Variants in CD8B2 observed in about 807,000 individuals in gnomAD.
The protein encoded by CD8B2 is T-cell surface glycoprotein CD8 beta-2 chain.
Under a neutral mutation model 23.7 loss-of-function variants are expected in CD8B2, and 11 were observed. The ratio of observed to expected loss-of-function variants is 0.46; its 90% CI spans 0.29 to 0.77. The LOEUF (loss-of-function observed/expected upper bound fraction) is 0.77, where lower values mean the gene tolerates loss of function less well. Ranked by LOEUF, CD8B2 falls within the 30% of genes least tolerant of loss-of-function variation. The pLI is 0.09. For synonymous variants in CD8B2, 90 were observed against 109.3 expected (o/e 0.82, Z 1.10); for missense variants, 197 against 270.5 (o/e 0.73, Z 1.91).
chr2:106,521,369 G>A (rs10211409), intron 5 of CD8B2, among the ~76,000 whole-genome samples: 149,687 of 152,314 alleles, frequency 0.98, 73,618 homozygotes, highest in East Asian at 1. Flanking sequence ...CTAATGGCAC[G>A]GCTGCTAGCA....
intron 2 of CD8B2, among the ~76,000 whole-genome samples, chr2:106,494,216 T>C (rs1679253235): frequency 6.6e-6 from 1 of 150,786 alleles, no homozygotes; most frequent in Non-Finnish European, 1.5e-5. Context: ...GGCAGGATCT[T>C]GGCTGACTGC....
chr2:106,538,401 G>A (rs546376478), intron 5 of CD8B2, among the ~76,000 whole-genome samples: 1 of 152,052 alleles, frequency 6.6e-6, no homozygotes, highest in African/African-American at 2.4e-5. Flanking sequence ...CTCTTTACTT[G>A]TTCTTAAAAT....
chr2:106,520,003 C>T (rs913162760), intron 5 of CD8B2, among the ~76,000 whole-genome samples: 4 of 152,158 alleles, frequency 2.6e-5, no homozygotes, highest in African/African-American at 9.7e-5. Context: ...AAAGCCCTGC[C>T]TACACCCGCT....
intron 1 of CD8B2, among the ~76,000 whole-genome samples, chr2:106,487,932 T>C (rs1679109377): frequency 6.6e-6 from 1 of 152,064 alleles, no homozygotes; most frequent in Non-Finnish European, 1.5e-5. Context: ...TTCTCAGTTC[T>C]CGGAGGGCTA....
chr2:106,514,273 G>A (rs1679689931), downstream of CD8B2, among the ~76,000 whole-genome samples: 2 of 141,846 alleles, frequency 1.4e-5, no homozygotes, highest in South Asian at 4.6e-4. Flanking sequence ...GGTGGGTGCA[G>A]GGGAACGCTT....
chr2:106,532,490 A>G (rs1178905531), intron 5 of CD8B2, among the ~76,000 whole-genome samples: 1 of 152,264 alleles, frequency 6.6e-6, no homozygotes, highest in Non-Finnish European at 1.5e-5. Context: ...AAGCAAGCTT[A>G]TTAAGAAAGT....
chr2:106,523,682 T>A (rs971726895), intron 5 of CD8B2, among the ~76,000 whole-genome samples: 8 of 152,134 alleles, frequency 5.3e-5, no homozygotes, highest in African/African-American at 1.9e-4. Context: ...CCTGAGACAA[T>A]GAATATTGCT....
At chr2:106,519,608 C>T (rs1364520557) in intron 5 of CD8B2, among the ~76,000 whole-genome samples, 4 of 152,158 alleles carry the variant, frequency 2.6e-5, no homozygotes, top group Non-Finnish European at 4.4e-5. Flanking sequence ...TCTGAACTTA[C>T]ACCCCAACGC....
At chr2:106,503,408 C>T (rs1679451111) in intron 4 of CD8B2, among the ~76,000 whole-genome samples, 1 of 152,046 alleles carries the variant, frequency 6.6e-6, no homozygotes, top group South Asian at 2.1e-4. Flanking sequence ...ATACTTTTGC[C>T]TACAATTGTT....
chr2:106,507,546 C>T lies in CD8B2; in HGVS notation c.*606C>T. On this transcript the variant is annotated 3_prime_UTR_variant, in exon 6 of 6. Transcript: ENST00000643224. ...TTCATCTTCTTAGCTCCAATTTCTA[C>T]TCTTAAGTTTCTCAGCTCCCATTTC... is the stretch of plus-strand genomic sequence containing the variant. 1 of 981,792 alleles carries T rather than the reference C, an allele frequency of 1.0e-6. No homozygotes were observed. Among genetic ancestry groups the T allele is most frequent in the Non-Finnish European group, 1.2e-6 (1 of 826,638 alleles). The allele number at this position is 981,792 out of a possible 1,614,324, so 60.8% of individuals were successfully genotyped here. A position where few individuals can be genotyped will look rare whatever the true frequency, so the allele number is the denominator to read the frequency against.
intron 5 of CD8B2, among the ~76,000 whole-genome samples, chr2:106,527,672 T>C (rs1334442029): frequency 6.6e-6 from 1 of 152,118 alleles, no homozygotes; most frequent in African/African-American, 2.4e-5. Context: ...TAATCTCAAC[T>C]ACTTGGGAGG....
intron 2 of CD8B2, among the ~76,000 whole-genome samples, chr2:106,493,619 G>A (rs1222727208): frequency 7.2e-5 from 11 of 152,290 alleles, no homozygotes; most frequent in Admixed American, 7.2e-4. Context: ...CACCCTCTCC[G>A]ACCCTGCTGA....
intron 5 of CD8B2, among the ~76,000 whole-genome samples, chr2:106,520,687 T>C (rs961239359): frequency 2.6e-5 from 4 of 151,980 alleles, no homozygotes; most frequent in Non-Finnish European, 4.4e-5. Flanking sequence ...AGGTCCAACA[T>C]GGTGAAACCT....
intron 1 of CD8B2, among the ~76,000 whole-genome samples, chr2:106,487,714 G>A (rs1679103842): frequency 1.3e-5 from 2 of 152,172 alleles, no homozygotes; most frequent in Admixed American, 6.5e-5. Context: ...AAGCCTGGAC[G>A]CAGGAGAAGG....
chr2:106,514,508 C>T (rs1377913519), downstream of CD8B2, among the ~76,000 whole-genome samples: 6 of 151,686 alleles, frequency 4.0e-5, no homozygotes, highest in East Asian at 3.9e-4. Flanking sequence ...AGGCTGGTCT[C>T]GAACTCCTGA....
At chr2:106,543,836 T>C (rs74571432) in intron 5 of CD8B2, among the ~76,000 whole-genome samples, 1 of 152,182 alleles carries the variant, frequency 6.6e-6, no homozygotes, top group Non-Finnish European at 1.5e-5. Context: ...CAGTTTATAT[T>C]TCAAGCTTTC....
At chr2:106,531,127 C>T (rs767812800) in intron 5 of CD8B2, among the ~76,000 whole-genome samples, 1 of 152,218 alleles carries the variant, frequency 6.6e-6, no homozygotes, top group Non-Finnish European at 1.5e-5. Context: ...CAAAAACCCT[C>T]TCTTGAGGTC....
intron 5 of CD8B2, among the ~76,000 whole-genome samples, chr2:106,533,101 A>G (rs1680014893): frequency 6.6e-6 from 1 of 152,198 alleles, no homozygotes; most frequent in Non-Finnish European, 1.5e-5. Flanking sequence ...ATTGTTCTCC[A>G]AGATGTGAAG....
At chr2:106,542,828 T>C (rs1383825264) in intron 5 of CD8B2, among the ~76,000 whole-genome samples, 2 of 151,932 alleles carry the variant, frequency 1.3e-5, no homozygotes, top group East Asian at 1.9e-4. Context: ...TGTGTATAAG[T>C]GAATACATGT....
Sources: gnomAD v4.1 joint callset for allele counts (sites outside exome capture counted in the v4.1 genomes callset) on GRCh38, gnomAD v4.1.1 for gene constraint, MANE v1.5 for transcripts, NCBI Gene and HGNC (gene_info 2026-07-23, HGNC 2026-07-21) for gene names.